The following ZC3H12B variants were observed in gnomAD, a reference collection of about 807,000 sequenced individuals.
The protein encoded by ZC3H12B is probable ribonuclease ZC3H12B.
A neutral mutation model predicts 43.9 loss-of-function variants in ZC3H12B; 7 were observed. That is an observed-to-expected ratio of 0.16 (90% CI 0.09 to 0.30). ZC3H12B has a LOEUF of 0.30. Ranked by LOEUF, ZC3H12B falls within the 10% of genes least tolerant of loss-of-function variation. The pLI, the probability that ZC3H12B is intolerant of heterozygous loss-of-function variation, is 1.00. For synonymous variants in ZC3H12B, 222 were observed against 241.7 expected, an observed-to-expected ratio of 0.92 and a Z score of 0.76; for missense variants, 475 against 670.2, an observed-to-expected ratio of 0.71 and a Z score of 3.22.
chrX:65,056,267 C>G, the ZC3H12B span, among the ~76,000 whole-genome samples: 15 of 111,061 alleles, frequency 1.4e-4, no homozygotes, highest in Admixed American at 5.7e-4. Flanking sequence ...TTAAATGTGT[C>G]CCAGAGATTC....
the ZC3H12B span, among the ~76,000 whole-genome samples, chrX:65,167,741 A>G: frequency 2.7e-5 from 3 of 111,783 alleles, no homozygotes; most frequent in Non-Finnish European, 5.6e-5. Context: ...GTTCTCCTTG[A>G]AGAGGTCCTT....
chrX:65,209,536 C>G, the ZC3H12B span, among the ~76,000 whole-genome samples: 9 of 102,322 alleles, frequency 8.8e-5, no homozygotes, highest in African/African-American at 3.2e-4. Context: ...GCACTGTGGT[C>G]TGAGAGATAG....
chrX:65,319,566 A>G, the ZC3H12B span, among the ~76,000 whole-genome samples: 1 of 111,822 alleles, frequency 8.9e-6, no homozygotes, highest in East Asian at 2.8e-4. Flanking sequence ...TCCTTAACTC[A>G]TTCTATGAAG....
At chrX:65,118,206 C>A in the ZC3H12B span, among the ~76,000 whole-genome samples, 1 of 111,666 alleles carries the variant, frequency 9.0e-6, no homozygotes, top group African/African-American at 3.3e-5. Flanking sequence ...ATGGAATGTT[C>A]TTCCATTTGT....
chrX:65,160,072 T>C, the ZC3H12B span, among the ~76,000 whole-genome samples: 1 of 112,082 alleles, frequency 8.9e-6, no homozygotes, highest in African/African-American at 3.2e-5. Flanking sequence ...CATTTATTGA[T>C]TTGTGTATAT....
the ZC3H12B span, among the ~76,000 whole-genome samples, chrX:65,099,040 G>C: frequency 9.0e-6 from 1 of 111,426 alleles, no homozygotes; most frequent in African/African-American, 3.3e-5. Flanking sequence ...ATTGAGCATG[G>C]TGGGGGAGGG....
the ZC3H12B span, among the ~76,000 whole-genome samples, chrX:65,314,154 A>T: frequency 9.0e-6 from 1 of 111,238 alleles, no homozygotes; most frequent in Non-Finnish European, 1.9e-5. Flanking sequence ...AAATCTAGAT[A>T]CTCAGGGACA....
intron 2 of ZC3H12B, among the ~76,000 whole-genome samples, chrX:65,374,382 AC>A (rs1413984392): frequency 9.9e-6 from 1 of 101,482 alleles, no homozygotes; most frequent in Non-Finnish European, 2.0e-5. Flanking sequence ...CATGTAACAT[AC>A]CCATGTAACA....
rs780525023 is a variant in ZC3H12B, at chrX:65,493,596, T to TAA, written c.609-3535_609-3534dup. ...ATGTAAATGCAACCATATTCTTTGT[T>TAA]AAGTCTAGGAGAAGCCCAAACATTT... On this transcript the variant is annotated intron_variant, in intron 1 of 4. Coordinates refer to ENST00000338957, the Ensembl canonical transcript of ZC3H12B. Among the ~76,000 whole-genome samples the TAA allele has an allele frequency of 1.5e-4, 17 of 111,407 alleles. No individual in the cohort carries two copies. In the South Asian group the frequency reaches 6.0e-3, roughly 39 times the overall value.
chrX:65,497,269 C>G (rs1184987540), exon 2 of ZC3H12B: 1 of 1,202,147 alleles, frequency 8.3e-7, no homozygotes, highest in Admixed American at 2.2e-5. Context: ...GCACCAATTA[C>G]AGGTATTGTG....
the ZC3H12B span, among the ~76,000 whole-genome samples, chrX:65,246,295 T>C: frequency 8.9e-6 from 1 of 112,106 alleles, no homozygotes; most frequent in African/African-American, 3.2e-5. Context: ...CTAATGCTCA[T>C]AGATAGGAAT....
the ZC3H12B span, among the ~76,000 whole-genome samples, chrX:65,226,510 G>A: frequency 9.0e-6 from 1 of 111,653 alleles, no homozygotes; most frequent in African/African-American, 3.3e-5. Context: ...CATAATGACA[G>A]TATCAAATTC....
chrX:65,258,550 A>G, the ZC3H12B span, among the ~76,000 whole-genome samples: 2 of 111,833 alleles, frequency 1.8e-5, no homozygotes, highest in Non-Finnish European at 3.8e-5. Context: ...TCCACATAGT[A>G]CTGGAAGCCT....
At chrX:65,139,374 C>A in the ZC3H12B span, among the ~76,000 whole-genome samples, 2 of 111,624 alleles carry the variant, frequency 1.8e-5, no homozygotes, top group Non-Finnish European at 3.8e-5. Context: ...ATTCCTGGTA[C>A]CTTTATGGGA....
At chrX:65,302,172 T>C in the ZC3H12B span, among the ~76,000 whole-genome samples, 2 of 111,033 alleles carry the variant, frequency 1.8e-5, no homozygotes, top group African/African-American at 6.5e-5. Flanking sequence ...ATGTCCTAGG[T>C]TATGCAACAT....
At chrX:65,059,096 C>T in the ZC3H12B span, among the ~76,000 whole-genome samples, 1 of 111,387 alleles carries the variant, frequency 9.0e-6, no homozygotes, top group Non-Finnish European at 1.9e-5. Context: ...CACCCACTGT[C>T]TGACAAGCCC....
chrX:65,164,521 G>A, the ZC3H12B span, among the ~76,000 whole-genome samples: 1 of 111,399 alleles, frequency 9.0e-6, no homozygotes, highest in Admixed American at 9.6e-5. Context: ...TTACAAAGGT[G>A]GTTTCAGTCC....
the ZC3H12B span, among the ~76,000 whole-genome samples, chrX:65,241,587 G>A: frequency 9.0e-6 from 1 of 111,619 alleles, no homozygotes; most frequent in Non-Finnish European, 1.9e-5. Context: ...AAAGTAGTCT[G>A]GCCATGATCT....
chrX:65,163,765 G>T, the ZC3H12B span, among the ~76,000 whole-genome samples: 16 of 111,332 alleles, frequency 1.4e-4, no homozygotes, highest in African/African-American at 4.9e-4. Flanking sequence ...CACGCATGTT[G>T]CACTGCACTC....
Sources: allele counts gnomAD v4.1 joint callset (sites outside exome capture counted in the v4.1 genomes callset), GRCh38; gene constraint gnomAD v4.1.1; transcripts MANE v1.5; gene names NCBI Gene and HGNC (gene_info 2026-07-23, HGNC 2026-07-21).